The following NISCH variants were observed in gnomAD, a reference collection of about 807,000 sequenced individuals.
The protein encoded by NISCH is nischarin, also known as I-1 receptor candidate protein.
A neutral mutation model predicts 138.4 loss-of-function variants in NISCH; 55 were observed. That is an observed-to-expected ratio of 0.40 (90% CI 0.32 to 0.50). The LOEUF is 0.50. NISCH is among the 20% of genes least tolerant of loss of function. The probability of loss-of-function intolerance (pLI) is 0.71; values close to 1 mark genes in which losing one functional copy is unlikely to be tolerated. For synonymous variants in NISCH, 860 were observed against 861.5 expected (o/e 1.00, Z 0.03); for missense variants, 1,643 against 2,005.5 (o/e 0.82, Z 3.45).
chr3:52,478,765 C>T (rs565367379), intron 11 of NISCH, among the ~76,000 whole-genome samples, 188 bp downstream of exon 11: 1 of 152,336 alleles, frequency 6.6e-6, no homozygotes, highest in Non-Finnish European at 1.5e-5. Context: ...CTTGCATCTC[C>T]TGCCCCTACT....
rs1706916483 is a variant in NISCH at position 52,470,582 on chromosome 3, TG to T, written c.361-274del. 4 of 507,946 alleles carry T rather than the reference TG, an allele frequency of 7.9e-6. No individual in the cohort carries two copies. The East Asian group carries it at 1.3e-4, about 17-fold the overall frequency. The allele number at this position is 507,946 out of a possible 1,614,324, so 31.5% of individuals were successfully genotyped here. A position where few individuals can be genotyped will look rare whatever the true frequency, so the allele number is the denominator to read the frequency against. ...GAGTAATGCAGCTCTGCTGGCCTCC[TG>T]GGCTACAGTGCCCTTGGCCCTATGG... is the stretch of plus-strand genomic sequence containing the variant. On this transcript the variant is annotated intron_variant, in intron 3 of 20. Transcript: ENST00000345716.
At chr3:52,461,163 G>C (rs1288346420) in intron 3 of NISCH, among the ~76,000 whole-genome samples, 2 of 152,180 alleles carry the variant, frequency 1.3e-5, no homozygotes, top group Non-Finnish European at 2.9e-5. Context: ...GCTTGAACCT[G>C]GGAAGGGGAG....
In NISCH at chr3:52,478,597, G is replaced by A. The variant is rs376208641; in HGVS notation, c.1302+20G>A. 92 of 1,612,916 alleles carry A rather than the reference G, an allele frequency of 5.7e-5. No individual in the cohort carries two copies. Among genetic ancestry groups the A allele is most frequent in the Middle Eastern group, 1.6e-4 (1 of 6,080 alleles). On this transcript the variant is annotated intron_variant, in intron 11 of 20. Coordinates refer to ENST00000345716, the MANE Select transcript of NISCH (RefSeq NM_007184.4). ...TCAGAGGTGAGCCCCAGCACAGTCA[G>A]AAGAGCCCAGGGAGACCTTCGGGAT...
chr3:52,462,585 A>C (rs1431285084), intron 3 of NISCH, among the ~76,000 whole-genome samples: 1 of 152,148 alleles, frequency 6.6e-6, no homozygotes, highest in Non-Finnish European at 1.5e-5. Context: ...TGTGTTGCTG[A>C]CATTGGATAG....
chr3:52,479,488 G>A (rs1349293528), intron 11 of NISCH, among the ~76,000 whole-genome samples: 1 of 152,160 alleles, frequency 6.6e-6, no homozygotes, highest in East Asian at 1.9e-4. Flanking sequence ...ACAGATGTGA[G>A]ACCTCCCTGG....
rs565818309 is a variant in NISCH, at chr3:52,480,962, G to A, written c.1528+667G>A. On this transcript the variant is annotated intron_variant, in intron 13 of 20. Coordinates refer to ENST00000345716, the MANE Select transcript of NISCH (RefSeq NM_007184.4). ...CCCACGGAAGAGGGGAGGGTGTGCC[G>A]TCCCGAGTGGAGCCGAGGCTCGGGA... 2.2e-5 allele frequency: 33 copies of A among 1,495,104 alleles called. No individual in the cohort carries two copies. The Admixed American group carries it at 4.2e-4, about 19-fold the overall frequency. 92.6% of individuals were successfully genotyped at this position (1,495,104 alleles called of 1,614,324 possible).
intron 13 of NISCH, among the ~76,000 whole-genome samples, chr3:52,482,592 G>A (rs1485993954): frequency 1.3e-5 from 2 of 152,158 alleles, no homozygotes; most frequent in Non-Finnish European, 2.9e-5. Flanking sequence ...ATTCTAAGAG[G>A]CACGCATTTC....
At chr3:52,477,916 G>A in intron 9 of NISCH, 181 bp from the exon 10 acceptor site, 2 of 690,390 alleles carry the variant, frequency 2.9e-6, no homozygotes, top group African/African-American at 1.8e-5. Context: ...GTCTGCAGGG[G>A]TGCCACTGTG....
intron 15 of NISCH, 151 bp downstream of exon 15, chr3:52,485,978 G>A: frequency 1.4e-6 from 1 of 699,322 alleles, no homozygotes; most frequent in Non-Finnish European, 2.5e-6. Flanking sequence ...AGACACAGAT[G>A]AGATGGACTT....
chr3:52,486,047 C>A (rs1454938785), intron 15 of NISCH, among the ~76,000 whole-genome samples: 1 of 152,218 alleles, frequency 6.6e-6, no homozygotes, highest in East Asian at 1.9e-4. Context: ...TGCCCTACAC[C>A]AGGGGTTGGC....
rs1263627766 is a variant in NISCH at position 52,477,910 on chromosome 3, G to A, written c.988-187G>A. The A allele has an allele frequency of 4.4e-6, 3 of 680,592 alleles. No individual in the cohort carries two copies. In the Admixed American group the frequency reaches 8.2e-5, roughly 19 times the overall value. The allele number at this position is 680,592 out of a possible 1,614,324, so 42.2% of individuals were successfully genotyped here. On this transcript the variant is annotated intron_variant, in intron 9 of 20. Transcript: ENST00000345716. ...TTTTCAACGCCCACCCCAACTGTCT[G>A]CAGGGGTGCCACTGTGCTGTGGCAT...
chr3:52,471,758 G>C (rs989736751), intron 4 of NISCH, 56 bp from the exon 5 acceptor site: 8 of 1,597,952 alleles, frequency 5.0e-6, no homozygotes, highest in Admixed American at 1.7e-5. Context: ...AATCCTGGCT[G>C]CACGAGGGCT....
intron 13 of NISCH, 193 bp downstream of exon 13, chr3:52,480,488 G>A (rs1311811745): frequency 6.5e-7 from 1 of 1,528,686 alleles, no homozygotes; most frequent in Admixed American, 2.1e-5. Flanking sequence ...GCCAGCTGTT[G>A]CTTGCTTGGT....
At position 52,492,162 on chromosome 3, in the gene NISCH, C is replaced by G; in HGVS notation, c.4195C>G (p.Pro1399Ala). The G allele has an allele frequency of 6.2e-7, 1 of 1,613,128 alleles. No homozygotes were observed. Among genetic ancestry groups the G allele is most frequent in the Non-Finnish European group, 8.5e-7 (1 of 1,180,032 alleles). ...CCCACTGCCCGAGTTTGCCAAAGAGCCGCCGCAGAGAGACAGGTACCGGCT... is the reference window on the plus strand; with the variant it reads ...CCCACTGCCCGAGTTTGCCAAAGAGGCGCCGCAGAGAGACAGGTACCGGCT... Reference protein sequence around the residue: ...HYPLPEFAKEPPQRDRYRLDD... With the variant: ...HYPLPEFAKEAPQRDRYRLDD... Residue 1399 changes from proline to alanine, a missense_variant, in exon 21 of 21, where the codon CCG becomes GCG. Pro to Ala is a conservative substitution (Grantham distance 27). Coordinates refer to ENST00000345716, the MANE Select transcript of NISCH (RefSeq NM_007184.4).
At chr3:52,470,799 G>C in intron 3 of NISCH, 60 bp from the exon 4 acceptor site, 1 of 1,365,392 alleles carries the variant, frequency 7.3e-7, no homozygotes, top group South Asian at 1.2e-5. Context: ...AGCGGGGAAT[G>C]TGACCCCAGG....
Position 52,487,832 on chromosome 3 carries a change from G to A in NISCH, c.2340G>A (p.Leu780=), listed in dbSNP as rs1707446661. Residue 780 remains leucine, a synonymous_variant, in exon 16 of 21, where the codon CTG becomes CTA. Coordinates refer to ENST00000345716, the MANE Select transcript of NISCH (RefSeq NM_007184.4). The surrounding 1 kb of genome is among the most constrained non-coding windows in gnomAD (Gnocchi z 9.1). ...GCTTCCTCATGCCGGAGCTGTGTCT[G>A]GTGCTCAAGGTACGGCACAGTGAGA... is the stretch of plus-strand genomic sequence containing the variant. ...EFGFLMPELC[L]VLKVRHSENT... 1 of 1,613,070 alleles carries A rather than the reference G, an allele frequency of 6.2e-7. No homozygotes were observed. The highest frequency in any genetic ancestry group is 8.5e-7 in the Non-Finnish European group (1 of 1,179,884).
Position 52,478,252 on chromosome 3 carries a change from C to T in NISCH, c.1143C>T (p.Asn381=), listed in dbSNP as rs779967552. The part of the protein sequence containing the change: ...SGLHKLYSLV[N]LDLRDNRIEQ... ...TGCACAAGCTCTACTCACTGGTCAA[C>T]CTGGATCTCCGGGACAACAGGATCG... The change falls in exon 10 of 21, where the codon AAC becomes AAT. Residue 381 remains asparagine (N), a synonymous_variant. Transcript: ENST00000345716. The T allele has an allele frequency of 4.3e-6, 7 of 1,613,978 alleles. No individual in the cohort carries two copies. Among genetic ancestry groups the T allele is most frequent in the African/African-American group, 4.0e-5 (3 of 74,920 alleles).
At chr3:52,477,966 A>G (rs1707153141) in intron 9 of NISCH, 131 bp from the exon 10 acceptor site, 8 of 955,592 alleles carry the variant, frequency 8.4e-6, no homozygotes, top group East Asian at 7.2e-5. Flanking sequence ...TTCCCTTCCT[A>G]AAATAACTGT....
intron 11 of NISCH, among the ~76,000 whole-genome samples, chr3:52,478,989 G>A (rs1002241906): frequency 6.6e-6 from 1 of 152,134 alleles, no homozygotes; most frequent in Non-Finnish European, 1.5e-5. Flanking sequence ...TTCACCCATC[G>A]CCTGGGCCTG....
Sources: gnomAD v4.1 joint callset for allele counts (sites outside exome capture counted in the v4.1 genomes callset) on GRCh38, gnomAD v4.1.1 for gene constraint, Gnocchi (gnomAD v3.1) non-coding constraint, MANE v1.5 for transcripts, NCBI Gene and HGNC (gene_info 2026-07-23, HGNC 2026-07-21) for gene names.